The following SMG6 variants were observed in gnomAD, a reference collection of about 807,000 sequenced individuals.
SMG6 encodes telomerase-binding protein EST1A.
A neutral mutation model predicts 142.2 loss-of-function variants in SMG6; 66 were observed. That is an observed-to-expected ratio of 0.46 (90% CI 0.38 to 0.57). The LOEUF is 0.57. Ranked by LOEUF, SMG6 falls within the 20% of genes least tolerant of loss-of-function variation. The probability of loss-of-function intolerance (pLI) is 0.00; values close to 1 mark genes in which losing one functional copy is unlikely to be tolerated. For missense variants in SMG6, 1,793 were observed against 1,832.0 expected, an observed-to-expected ratio of 0.98 and a Z score of 0.39; for synonymous variants, 779 against 702.4, an observed-to-expected ratio of 1.11 and a Z score of -1.72.
intron 8 of SMG6, among the ~76,000 whole-genome samples, chr17:2,281,326 G>T (rs926932012): frequency 6.6e-6 from 1 of 152,020 alleles, no homozygotes; most frequent in Non-Finnish European, 1.5e-5. Flanking sequence ...CAGAAGCCTC[G>T]TTTTGTTGAC....
chr17:2,185,990 C>G (rs1348148315), intron 12 of SMG6, among the ~76,000 whole-genome samples: 1 of 152,120 alleles, frequency 6.6e-6, no homozygotes, highest in African/African-American at 2.4e-5. Flanking sequence ...CTTTGGGAGG[C>G]TGAGGCAGGT....
chr17:2,257,791 A>T (rs1159847356), intron 8 of SMG6, among the ~76,000 whole-genome samples: 1 of 151,266 alleles, frequency 6.6e-6, no homozygotes, highest in Non-Finnish European at 1.5e-5. Flanking sequence ...GGCTGGGCGG[A>T]TCACGAGATC....
chr17:2,077,390 G>A (rs1026339404), intron 15 of SMG6, among the ~76,000 whole-genome samples: 2 of 152,190 alleles, frequency 1.3e-5, no homozygotes, highest in Admixed American at 6.5e-5. Flanking sequence ...GACCAGGGGG[G>A]GCTTCACTGG....
intron 2 of SMG6, among the ~76,000 whole-genome samples, chr17:2,298,384 A>G (rs1051390514): frequency 6.6e-6 from 1 of 152,166 alleles, no homozygotes; most frequent in South Asian, 2.1e-4. Flanking sequence ...CTTAAAGATA[A>G]TTTTTTCTTA....
In SMG6 at chr17:2,300,543, C is replaced by T; in HGVS notation, c.210G>A (p.Gly70=). ...RNKPKIKEPP[G]SEEFKDEIVN... ...CAATTTCATCTTTGAATTCCTCACTCCCAGGGGGTTCCTTGATTTTGGGCT... is the reference window on the plus strand; with the variant it reads ...CAATTTCATCTTTGAATTCCTCACTTCCAGGGGGTTCCTTGATTTTGGGCT... The change falls in exon 2 of 19, where the codon GGG becomes GGA. Residue 70 remains glycine, a synonymous_variant. Coordinates refer to ENST00000263073, the MANE Select transcript of SMG6 (RefSeq NM_017575.5). 6.2e-7 allele frequency: 1 copy of T among 1,614,098 alleles called. No individual in the cohort carries two copies. Among genetic ancestry groups the T allele is most frequent in the East Asian group, 2.2e-5 (1 of 44,878 alleles).
At chr17:2,190,601 T>A (rs922062830) in intron 10 of SMG6, among the ~76,000 whole-genome samples, 10 of 152,200 alleles carry the variant, frequency 6.6e-5, no homozygotes, top group Admixed American at 3.3e-4. Flanking sequence ...GGATCTGCGG[T>A]CTTCGTGGAC....
chr17:2,106,105 T>A (rs764715990), intron 13 of SMG6, among the ~76,000 whole-genome samples: 1 of 152,196 alleles, frequency 6.6e-6, no homozygotes, highest in Non-Finnish European at 1.5e-5. Context: ...GAGAGAATAA[T>A]AGTTTACTTC....
At chr17:2,243,103 CT>C (rs1188064318) in intron 9 of SMG6, among the ~76,000 whole-genome samples, 1 of 152,138 alleles carries the variant, frequency 6.6e-6, no homozygotes, top group Non-Finnish European at 1.5e-5. Flanking sequence ...ATCTAGTTTA[CT>C]TTGCCTAAGT....
intron 10 of SMG6, among the ~76,000 whole-genome samples, chr17:2,231,565 T>C (rs1286991416): frequency 1.3e-5 from 2 of 151,946 alleles, no homozygotes; most frequent in Non-Finnish European, 2.9e-5. Flanking sequence ...GGCGTGGTGG[T>C]GGGCGCCTGT....
intron 13 of SMG6, among the ~76,000 whole-genome samples, chr17:2,135,730 C>A (rs1286809894): frequency 6.6e-6 from 1 of 152,186 alleles, no homozygotes; most frequent in South Asian, 2.1e-4. Context: ...CACTCTGTCA[C>A]CCAGGCTGGA....
At position 2,278,281 on chromosome 17, in the gene SMG6, C is replaced by T. The variant is rs571333268; in HGVS notation, c.2661+4366G>A. Among the ~76,000 whole-genome samples, 14 of 151,576 alleles carry T rather than the reference C, an allele frequency of 9.2e-5. No homozygotes were observed. In the East Asian group the frequency reaches 2.7e-3, roughly 29 times the overall value. On this transcript the variant is annotated intron_variant, in intron 8 of 18. Transcript: ENST00000263073. ...GCAATGGTGCAATCTTGGCTCACTG[C>T]AACCTCCGCCTCCCGGGTTCAAGCG...
At chr17:2,241,266 T>C (rs1272620451) in intron 9 of SMG6, among the ~76,000 whole-genome samples, 1 of 152,080 alleles carries the variant, frequency 6.6e-6, no homozygotes, top group Non-Finnish European at 1.5e-5. Context: ...CTCAGACAAA[T>C]GAGATATCTA....
chr17:2,121,042 T>G (rs2069672989), intron 13 of SMG6, among the ~76,000 whole-genome samples: 1 of 152,200 alleles, frequency 6.6e-6, no homozygotes. Flanking sequence ...TGGGCTGCAT[T>G]CAAAGCATCC....
chr17:2,251,122 T>C (rs1481780434), intron 8 of SMG6, among the ~76,000 whole-genome samples: 2 of 148,150 alleles, frequency 1.3e-5, no homozygotes, highest in Admixed American at 6.7e-5. Context: ...AGAGATGAGA[T>C]GGAATCTAAG....
chr17:2,132,521 G>A (rs887264209), intron 13 of SMG6, among the ~76,000 whole-genome samples: 4 of 152,116 alleles, frequency 2.6e-5, no homozygotes, highest in Non-Finnish European at 5.9e-5. Context: ...GAGTACCAGA[G>A]GGAGTGGGAG....
In SMG6 at chr17:2,299,108, T is replaced by C; in HGVS notation, c.1645A>G (p.Thr549Ala). ...CTACACACATACTGTCCTGACGGAG[T>C]CGGGTAGCCTGGGTAGTAAGGCCCT... The part of the protein sequence containing the change: ...YPGPYYPGYP[T>A]PSGQYVCSPL... Residue 549 changes from threonine (T) to alanine (A), a missense_variant, in exon 2 of 19, where the codon ACT (threonine) becomes GCT (alanine). Thr to Ala is a moderately conservative substitution (Grantham distance 58). Around this residue, in one of 3 missense-constraint regions of SMG6, gnomAD observed 1,597 missense variants for 1,584.6 expected, o/e 1.01. Coordinates refer to ENST00000263073, the MANE Select transcript of SMG6 (RefSeq NM_017575.5). The surrounding 1 kb of genome is among the most constrained non-coding windows in gnomAD (Gnocchi z 4.3). 1 of 1,613,818 alleles carries C rather than the reference T, an allele frequency of 6.2e-7. No homozygotes were observed. Among genetic ancestry groups the C allele is most frequent in the Non-Finnish European group, 8.5e-7 (1 of 1,179,930 alleles).
chr17:2,075,341 G>C (rs969796922), intron 15 of SMG6, among the ~76,000 whole-genome samples: 1 of 152,180 alleles, frequency 6.6e-6, no homozygotes, highest in South Asian at 2.1e-4. Context: ...GGGGAGAGAA[G>C]CTATTTTGAG....
intron 8 of SMG6, among the ~76,000 whole-genome samples, chr17:2,253,119 T>TTTAATTTA (rs1555565843): frequency 7.7e-6 from 1 of 130,652 alleles, no homozygotes; most frequent in Admixed American, 7.8e-5. Flanking sequence ...AAATATTTTA[T>TTTAATTTA]TTTATTTATT....
At chr17:2,199,400 A>C (rs938348057) in intron 10 of SMG6, among the ~76,000 whole-genome samples, 1 of 152,004 alleles carries the variant, frequency 6.6e-6, no homozygotes, top group Non-Finnish European at 1.5e-5. Flanking sequence ...TGGGAGGCTG[A>C]GGTGGGAGCA....
Sources: allele counts gnomAD v4.1 joint callset (sites outside exome capture counted in the v4.1 genomes callset), GRCh38; gene constraint gnomAD v4.1.1; regional missense constraint gnomAD v4.1.1; non-coding constraint Gnocchi (gnomAD v3.1); transcripts MANE v1.5; gene names NCBI Gene and HGNC (gene_info 2026-07-23, HGNC 2026-07-21).